ADGB: variants seen among roughly 807,000 people sequenced by gnomAD.
ADGB encodes the protein androglobin.
Under a neutral mutation model 210.5 loss-of-function variants are expected in ADGB, and 172 were observed. The observed-to-expected ratio is 0.82, with a 90% CI of 0.72 to 0.93. ADGB has a LOEUF of 0.93. ADGB is among the 40% of genes least tolerant of loss of function. The pLI is 0.00. For synonymous variants in ADGB, 658 were observed against 662.7 expected, an observed-to-expected ratio of 0.99 and a Z score of 0.11; for missense variants, 2,025 against 1,964.8, an observed-to-expected ratio of 1.03 and a Z score of -0.58.
chr6:146,793,897 C>T (rs1037082882), intron 33 of ADGB, among the ~76,000 whole-genome samples: 8 of 152,186 alleles, frequency 5.3e-5, no homozygotes, highest in African/African-American at 1.9e-4. Flanking sequence ...TTTGGAGAGT[C>T]ACTGCTGCCA....
chr6:146,642,434 C>T (rs757719722), intron 2 of ADGB, among the ~76,000 whole-genome samples: 8 of 151,804 alleles, frequency 5.3e-5, no homozygotes, highest in Non-Finnish European at 8.8e-5. Flanking sequence ...CACATGCATG[C>T]GAGTGTTCAT....
chr6:146,729,715 G>A (rs1358293174), intron 20 of ADGB, among the ~76,000 whole-genome samples: 6 of 152,172 alleles, frequency 3.9e-5, no homozygotes, highest in Non-Finnish European at 8.8e-5. Flanking sequence ...AAGTTCTGGG[G>A]TTAGAGGCAT....
chr6:146,689,798 C>T (rs1020607146), intron 10 of ADGB, among the ~76,000 whole-genome samples: 5 of 152,046 alleles, frequency 3.3e-5, no homozygotes, highest in African/African-American at 1.2e-4. Context: ...GGTGGCTTGA[C>T]TCATGGAAAC....
At chr6:146,810,476 G>A (rs1174370585) in intron 35 of ADGB, among the ~76,000 whole-genome samples, 2 of 152,228 alleles carry the variant, frequency 1.3e-5, no homozygotes, top group South Asian at 2.1e-4. Flanking sequence ...AATGAAATCA[G>A]TATGTCTATG....
chr6:146,751,694 A>G (rs191190537), intron 26 of ADGB, among the ~76,000 whole-genome samples: 5 of 152,170 alleles, frequency 3.3e-5, no homozygotes, highest in Non-Finnish European at 7.4e-5. Context: ...ATGGTATCTC[A>G]TTGTGGTTTT....
At position 146,814,319 on chromosome 6, in the gene ADGB, C is replaced by T. The variant is rs72501711; in HGVS notation, c.4819-713C>T. Among the ~76,000 whole-genome samples the T allele has an allele frequency of 7.7e-3, 1,168 of 152,238 alleles. 15 individuals carry two copies. Among genetic ancestry groups the T allele is most frequent in the East Asian group, 0.053 (273 of 5,182 alleles). Reference sequence around the variant, plus strand: ...GTCTTTGATCATATTATCTTTGAAACAGTAAGCAATTAATTTGGCCACTTC... The same window carrying T: ...GTCTTTGATCATATTATCTTTGAAATAGTAAGCAATTAATTTGGCCACTTC... On this transcript the variant is annotated intron_variant, in intron 35 of 35. Transcript: ENST00000397944.
At chr6:146,747,272 T>C (rs1412973500) in intron 26 of ADGB, among the ~76,000 whole-genome samples, 9 of 152,180 alleles carry the variant, frequency 5.9e-5, no homozygotes, top group Non-Finnish European at 1.3e-4. Context: ...ATATGTGTAT[T>C]CCCCAGAAGG....
chr6:146,701,793 A>G (rs1776494099), intron 13 of ADGB, among the ~76,000 whole-genome samples: 1 of 152,042 alleles, frequency 6.6e-6, no homozygotes, highest in African/African-American at 2.4e-5. Flanking sequence ...AATGACTACT[A>G]AGCATAGTTG....
Position 146,666,818 on chromosome 6 carries a change from T to A in ADGB, c.755T>A (p.Ile252Asn). ...ACATTATGCATGTTCTTTTTTAGCA[T>A]CCATGTAGCAGACAGGAGAGAGCTG... is the stretch of plus-strand genomic sequence containing the variant. ...KAIIKLANID[I>N]HVADRRELGE... Residue 252 changes from isoleucine to asparagine, a missense_variant and splice_region_variant, in exon 7 of 36, where the codon ATC becomes AAC. By Grantham distance (149) the Ile-to-Asn change is moderately radical. Coordinates refer to ENST00000397944, the MANE Select transcript of ADGB (RefSeq NM_024694.4). 6.5e-7 allele frequency: 1 copy of A among 1,544,226 alleles called. No homozygotes were observed. The highest frequency in any genetic ancestry group is 8.8e-7 in the Non-Finnish European group (1 of 1,141,956).
chr6:146,750,888 T>C (rs945009675), intron 26 of ADGB, among the ~76,000 whole-genome samples: 3 of 152,196 alleles, frequency 2.0e-5, no homozygotes, highest in Admixed American at 2.0e-4. Flanking sequence ...GCTTTTTGTG[T>C]AATAGAGAGG....
intron 1 of ADGB, among the ~76,000 whole-genome samples, chr6:146,629,474 C>T (rs1171324829): frequency 3.9e-5 from 6 of 152,020 alleles, no homozygotes; most frequent in African/African-American, 1.5e-4. Flanking sequence ...GAAAGTAGGC[C>T]AATTAGAGAT....
chr6:146,712,653 A>T (rs986029825), intron 13 of ADGB, among the ~76,000 whole-genome samples: 1 of 152,006 alleles, frequency 6.6e-6, no homozygotes, highest in Non-Finnish European at 1.5e-5. Context: ...TGGATCTTCT[A>T]TTACACTACC....
At chr6:146,698,842 T>C (rs1776447151) in intron 12 of ADGB, among the ~76,000 whole-genome samples, 1 of 152,030 alleles carries the variant, frequency 6.6e-6, no homozygotes, top group Admixed American at 6.6e-5. Flanking sequence ...CTTGCCTCAG[T>C]CTCTTGAGTA....
intron 27 of ADGB, among the ~76,000 whole-genome samples, chr6:146,753,290 T>G (rs572037716): frequency 2.0e-5 from 3 of 152,048 alleles, no homozygotes; most frequent in Non-Finnish European, 4.4e-5. Context: ...AGAAAAAAAG[T>G]TAATATTTTA....
intron 35 of ADGB, among the ~76,000 whole-genome samples, chr6:146,808,814 T>C (rs1778254227): frequency 6.6e-6 from 1 of 152,156 alleles, no homozygotes; most frequent in African/African-American, 2.4e-5. Context: ...TAATTTTTTT[T>C]TTGAGATGGA....
At chr6:146,658,839 A>G (rs1775818187) in intron 5 of ADGB, among the ~76,000 whole-genome samples, 1 of 152,162 alleles carries the variant, frequency 6.6e-6, no homozygotes, top group African/African-American at 2.4e-5. Flanking sequence ...ACTGGACCTC[A>G]GCTCCACTGG....
At chr6:146,796,067 G>GA (rs975379769) in intron 33 of ADGB, among the ~76,000 whole-genome samples, 3 of 151,700 alleles carry the variant, frequency 2.0e-5, no homozygotes, top group Non-Finnish European at 4.4e-5. Context: ...ACCAAACTGA[G>GA]AAAAAAATCA....
At chr6:146,680,265 A>G (rs116424683) in intron 9 of ADGB, among the ~76,000 whole-genome samples, 2,664 of 152,228 alleles carry the variant, frequency 0.018, 73 homozygotes, top group African/African-American at 0.059. Flanking sequence ...TGCTAGCTCA[A>G]TGCTGTTGAG....
At chr6:146,813,455 T>TG (rs1238828397) in intron 35 of ADGB, among the ~76,000 whole-genome samples, 1 of 151,672 alleles carries the variant, frequency 6.6e-6, no homozygotes, top group Admixed American at 6.6e-5. Context: ...ATGCAGAAAT[T>TG]TTTTTTCTCG....
Sources: gnomAD v4.1 joint callset for allele counts (sites outside exome capture counted in the v4.1 genomes callset) on GRCh38, gnomAD v4.1.1 for gene constraint, MANE v1.5 for transcripts, NCBI Gene and HGNC (gene_info 2026-07-23, HGNC 2026-07-21) for gene names.